MTAP: variants seen among roughly 807,000 people sequenced by gnomAD.
MTAP encodes S-methyl-5'-thioadenosine phosphorylase.
Under a neutral mutation model 33.6 loss-of-function variants are expected in MTAP, and 33 were observed. The ratio of observed to expected loss-of-function variants is 0.98; its 90% CI spans 0.74 to 1.31. The LOEUF (loss-of-function observed/expected upper bound fraction) is 1.31. Among genes scored for constraint, MTAP ranks in the 40% most tolerant of loss-of-function variants. The pLI is 0.00. For missense variants in MTAP, 367 were observed against 360.0 expected (o/e 1.02, Z -0.16); for synonymous variants, 148 against 125.7 (o/e 1.18, Z -1.19).
At chr9:21,850,169 A>G (rs1825478281) in intron 5 of MTAP, among the ~76,000 whole-genome samples, 1 of 152,258 alleles carries the variant, frequency 6.6e-6, no homozygotes, top group Non-Finnish European at 1.5e-5. Context: ...TTGGTGAGGC[A>G]TTTGCATGCC....
At chr9:21,831,514 A>G (rs1259767708) in intron 4 of MTAP, among the ~76,000 whole-genome samples, 1 of 150,992 alleles carries the variant, frequency 6.6e-6, no homozygotes, top group Non-Finnish European at 1.5e-5. Flanking sequence ...TTTTAAGGAG[A>G]TGGGGTCTCA....
At chr9:21,838,647 C>T (rs1013424958) in intron 5 of MTAP, among the ~76,000 whole-genome samples, 1 of 152,194 alleles carries the variant, frequency 6.6e-6, no homozygotes, top group Non-Finnish European at 1.5e-5. Context: ...CCATTATAGC[C>T]AAATCACAGA....
chr9:21,931,409 G>A (rs142144264), downstream of MTAP: 2 of 453,050 alleles, frequency 4.4e-6, no homozygotes, highest in East Asian at 6.8e-5. Flanking sequence ...ATGATCATCA[G>A]GTGGTTGTTA....
chr9:21,826,188 CT>C (rs35502549), intron 4 of MTAP, among the ~76,000 whole-genome samples: 74,395 of 138,648 alleles, frequency 0.54, 18,900 homozygotes, highest in East Asian at 0.71. Flanking sequence ...AGAACATTTT[CT>C]TTTTTTTTTT....
At chr9:21,899,496 GGAGA>G (rs548407893) in intron 1 of MTAP, among the ~76,000 whole-genome samples, 1 of 152,136 alleles carries the variant, frequency 6.6e-6, no homozygotes, top group South Asian at 2.1e-4. Context: ...AATTTATAAA[GGAGA>G]GAGGTTCAGT....
intron 4 of MTAP, among the ~76,000 whole-genome samples, chr9:21,818,858 A>T (rs1824554953): frequency 6.6e-6 from 1 of 152,250 alleles, no homozygotes; most frequent in South Asian, 2.1e-4. Context: ...ACCATGCAGT[A>T]TAATCTCAAA....
chr9:21,839,900 A>T (rs1039448901), intron 5 of MTAP, among the ~76,000 whole-genome samples: 1 of 152,248 alleles, frequency 6.6e-6, no homozygotes, highest in Non-Finnish European at 1.5e-5. Flanking sequence ...TAACAAAAAA[A>T]GCTGGTAACA....
At chr9:21,814,273 T>A (rs892406256) in intron 1 of MTAP, among the ~76,000 whole-genome samples, 1 of 152,240 alleles carries the variant, frequency 6.6e-6, no homozygotes, top group African/African-American at 2.4e-5. Flanking sequence ...TACGTGTTGA[T>A]AGGACTCAAC....
intron 1 of MTAP, among the ~76,000 whole-genome samples, chr9:21,806,928 C>G (rs1393561952): frequency 6.6e-6 from 1 of 152,088 alleles, no homozygotes; most frequent in African/African-American, 2.4e-5. Context: ...CTTTGGGAGG[C>G]CCAGCTGGGC....
chr9:21,844,999 C>G (rs1825343298), intron 5 of MTAP, among the ~76,000 whole-genome samples: 1 of 150,928 alleles, frequency 6.6e-6, no homozygotes, highest in Non-Finnish European at 1.5e-5. Context: ...CCACTGCACT[C>G]CAGCCTGGGC....
At chr9:21,896,556 T>C (rs966532043) in intron 1 of MTAP, among the ~76,000 whole-genome samples, 3 of 152,030 alleles carry the variant, frequency 2.0e-5, no homozygotes, top group African/African-American at 7.3e-5. Flanking sequence ...AAAGGGGATA[T>C]CACCATCGAT....
rs768066844 is a variant in MTAP, at chr9:21,863,850, C to T, written c.*1836C>T. 2.0e-6 allele frequency: 2 copies of T among 985,660 alleles called. No individual in the cohort carries two copies. Among genetic ancestry groups the T allele is most frequent in the Middle Eastern group, 5.2e-4 (1 of 1,936 alleles). 61.1% of individuals were successfully genotyped at this position (985,660 alleles called of 1,614,324 possible). On this transcript the variant is annotated 3_prime_UTR_variant, in exon 8 of 8. Transcript: ENST00000644715. ...GCTAATTGTAAACAAAACAGTTACC[C>T]TCCAGTATTAATATGACTCATTAGT...
chr9:21,826,192 T>C (rs1824794744), intron 4 of MTAP, among the ~76,000 whole-genome samples: 1 of 151,532 alleles, frequency 6.6e-6, no homozygotes, highest in African/African-American at 2.4e-5. Flanking sequence ...CATTTTCTTT[T>C]TTTTTTTTTT....
chr9:21,868,491 T>G (rs1375868797), downstream of MTAP, among the ~76,000 whole-genome samples: 7 of 152,322 alleles, frequency 4.6e-5, no homozygotes, highest in East Asian at 7.7e-4. Flanking sequence ...CTTACAGACA[T>G]GTGCCTCCCT....
intron 1 of MTAP, among the ~76,000 whole-genome samples, chr9:21,882,297 C>A (rs1333919887): frequency 1.3e-5 from 2 of 151,944 alleles, no homozygotes; most frequent in Non-Finnish European, 2.9e-5. Flanking sequence ...CATGCTACCC[C>A]TGTTGCTAAA....
intron 6 of MTAP, among the ~76,000 whole-genome samples, chr9:21,857,557 C>CA (rs1012312533): frequency 6.6e-6 from 1 of 152,316 alleles, no homozygotes; most frequent in East Asian, 1.9e-4. Context: ...ATTTTGTGTT[C>CA]ACTTTCTTCA....
Position 21,859,375 on chromosome 9 carries a change from A to G in MTAP, c.763A>G (p.Ile255Val). The change falls in exon 7 of 8, where the codon ATA becomes GTA. Residue 255 changes from isoleucine to valine, a missense_variant. By Grantham distance (29) the Ile-to-Val change is conservative. Coordinates refer to ENST00000644715, the MANE Select transcript of MTAP (RefSeq NM_002451.4). Reference protein sequence around the residue: ...NKAKSLLLTTIPQIGSTEWSE... With the variant: ...NKAKSLLLTTVPQIGSTEWSE... ...AGCCAAAAGCTTACTGCTCACTACC[A>G]TACCTCAGATAGGGTCCACAGAATG... is the stretch of plus-strand genomic sequence containing the variant. 5.6e-6 allele frequency: 9 copies of G among 1,613,636 alleles called. No individual in the cohort carries two copies. Among genetic ancestry groups the G allele is most frequent in the South Asian group, 1.1e-5 (1 of 90,938 alleles).
At position 21,865,815 on chromosome 9, in the gene MTAP, C is replaced by G. The variant is rs936384968; in HGVS notation, c.*3801C>G. The G allele has an allele frequency of 1.0e-6, 1 of 1,003,914 alleles. No homozygotes were observed. The highest frequency in any genetic ancestry group is 1.2e-6 in the Non-Finnish European group (1 of 838,866). The allele number at this position is 1,003,914 out of a possible 1,614,324, so 62.2% of individuals were successfully genotyped here. A position where few individuals can be genotyped will look rare whatever the true frequency, so the allele number is the denominator to read the frequency against. ...TATTTCTTTGTTTTGAAGATTCACT[C>G]ATGTTGCATGCATCTGTAGCTTGTG... On this transcript the variant is annotated 3_prime_UTR_variant, in exon 8 of 8. Coordinates refer to ENST00000644715, the MANE Select transcript of MTAP (RefSeq NM_002451.4).
chr9:21,877,641 T>C (rs1397744862), intron 1 of MTAP, among the ~76,000 whole-genome samples: 1 of 152,230 alleles, frequency 6.6e-6, no homozygotes, highest in Non-Finnish European at 1.5e-5. Flanking sequence ...TTTACTTCTG[T>C]TAATGTGCTG....
Sources: allele counts gnomAD v4.1 joint callset (sites outside exome capture counted in the v4.1 genomes callset), GRCh38; gene constraint gnomAD v4.1.1; transcripts MANE v1.5; gene names NCBI Gene and HGNC (gene_info 2026-07-23, HGNC 2026-07-21).